The following PLA2G4D variants were observed in gnomAD, a reference collection of about 807,000 sequenced individuals.
PLA2G4D encodes the protein phospholipase A2 group IVD.
A neutral mutation model predicts 94.4 loss-of-function variants in PLA2G4D; 80 were observed. That is an observed-to-expected ratio of 0.85 (90% confidence interval 0.71 to 1.02). The LOEUF (loss-of-function observed/expected upper bound fraction) is 1.02. Ranked by LOEUF, PLA2G4D falls within the 50% of genes least tolerant of loss-of-function variation. PLA2G4D has a pLI of 0.00. For missense variants in PLA2G4D, 1,050 were observed against 1,034.7 expected, an observed-to-expected ratio of 1.01 and a Z score of -0.20; for synonymous variants, 438 against 440.9, an observed-to-expected ratio of 0.99 and a Z score of 0.08.
chr15:42,077,229 T>C (rs1042952519), intron 13 of PLA2G4D, among the ~76,000 whole-genome samples: 6 of 152,184 alleles, frequency 3.9e-5, no homozygotes, highest in African/African-American at 1.4e-4. Context: ...AAAGTCATTA[T>C]CCAAGGCCAG....
intron 1 of PLA2G4D, 45 bp from the exon 2 acceptor site, chr15:42,087,745 C>G (rs1354438640): frequency 1.3e-6 from 2 of 1,592,634 alleles, no homozygotes; most frequent in Middle Eastern, 1.7e-4. Context: ...CATTCCCTCC[C>G]TTATGCCTGG....
chr15:42,072,747 A>G (rs751604722), intron 13 of PLA2G4D, among the ~76,000 whole-genome samples: 18 of 152,294 alleles, frequency 1.2e-4, no homozygotes, highest in Non-Finnish European at 2.4e-4. Flanking sequence ...ACATCCACGT[A>G]TTGCTTTGTA....
chr15:42,079,455 C>T (rs2141097327), intron 13 of PLA2G4D, 82 bp downstream of exon 13: 3 of 1,352,608 alleles, frequency 2.2e-6, no homozygotes, highest in South Asian at 1.3e-5. Context: ...GAAATACGCA[C>T]GCGCATGTCA....
chr15:42,071,814 C>T lies in PLA2G4D; in HGVS notation c.1533G>A (p.Leu511=). ...LFGSEFFMGR[L]MRRIPEPRIC... is the part of the protein sequence containing the mutation. Reference sequence around the variant, plus strand: ...TCCGGGGCTCCGGGATCCTCCTCATCAGCCGTCCCATGAAGAACTCGGAGC... The same window carrying T: ...TCCGGGGCTCCGGGATCCTCCTCATTAGCCGTCCCATGAAGAACTCGGAGC... Residue 511 remains leucine, a synonymous_variant, in exon 15 of 20, where the codon CTG becomes CTA. Coordinates refer to ENST00000290472, the MANE Select transcript of PLA2G4D (RefSeq NM_178034.4). 6.2e-7 allele frequency: 1 copy of T among 1,614,208 alleles called. No homozygotes were observed. The highest frequency in any genetic ancestry group is 1.3e-5 in the African/African-American group (1 of 75,056).
At chr15:42,077,305 C>T (rs1889949783) in intron 13 of PLA2G4D, among the ~76,000 whole-genome samples, 1 of 152,196 alleles carries the variant, frequency 6.6e-6, no homozygotes, top group African/African-American at 2.4e-5. Context: ...GCCAAGATCC[C>T]TGATGAACAT....
intron 5 of PLA2G4D, 137 bp downstream of exon 5, chr15:42,085,354 C>G (rs1169764117): frequency 8.0e-6 from 9 of 1,120,150 alleles, no homozygotes; most frequent in Non-Finnish European, 1.2e-5. Context: ...GAAGCCCCGC[C>G]CCACTCCCGA....
chr15:42,070,855 C>G lies in PLA2G4D; in HGVS notation c.1905G>C (p.Gln635His), dbSNP rs769042898. The change falls in exon 18 of 20, where the codon CAG (glutamine) becomes CAC (histidine). Residue 635 changes from glutamine to histidine, a missense_variant. Coordinates refer to ENST00000290472, the MANE Select transcript of PLA2G4D (RefSeq NM_178034.4). ...ADYQLDSMPS[Q>H]LTPKEPRLCL... The stretch of plus-strand genomic sequence containing the variant: ...AGAGCCGGGGCTCCTTGGGGGTCAG[C>G]TGGCTGGGCATGGAGTCAAGCTGGT... 1.9e-6 allele frequency: 3 copies of G among 1,611,990 alleles called. No individual in the cohort carries two copies. Among genetic ancestry groups the G allele is most frequent in the Non-Finnish European group, 2.5e-6 (3 of 1,179,176 alleles).
intron 1 of PLA2G4D, 113 bp downstream of exon 1, chr15:42,094,302 G>T: frequency 8.1e-7 from 1 of 1,238,834 alleles, no homozygotes; most frequent in Non-Finnish European, 1.1e-6. Flanking sequence ...AGACTCCCTC[G>T]CCCTCTGGCC....
chr15:42,085,016 G>C, intron 6 of PLA2G4D, 80 bp downstream of exon 6: 3 of 1,515,028 alleles, frequency 2.0e-6, no homozygotes, highest in Admixed American at 1.7e-5. Context: ...GTCCCTGCTG[G>C]TCCACACCCC....
intron 1 of PLA2G4D, among the ~76,000 whole-genome samples, chr15:42,088,202 C>T (rs1438640652): frequency 6.6e-6 from 1 of 152,206 alleles, no homozygotes; most frequent in African/African-American, 2.4e-5. Context: ...ACAGGCGCTA[C>T]CCTGGATCTC....
In PLA2G4D at chr15:42,068,916, G is replaced by A. The variant is rs1044449199; in HGVS notation, c.2256C>T (p.Leu752=). 6.2e-7 allele frequency: 1 copy of A among 1,612,136 alleles called. No individual in the cohort carries two copies. The highest frequency in any genetic ancestry group is 1.3e-5 in the African/African-American group (1 of 74,894). Residue 752 remains leucine (L), a synonymous_variant, in exon 20 of 20, where the codon CTC becomes CTT. Transcript: ENST00000290472. The part of the protein sequence containing the change: ...APGVQRSPAE[L]QGGQVDLTGA... ...CGGTGAGATCCACTTGGCCACCCTGGAGCTCTGCGGGGCTGCGCTGGACAC... is the reference window on the plus strand; with the variant it reads ...CGGTGAGATCCACTTGGCCACCCTGAAGCTCTGCGGGGCTGCGCTGGACAC...
rs605253 is a variant in PLA2G4D, at chr15:42,085,546, C to A, written c.388-15G>T. The A allele has an allele frequency of 6.8e-6, 11 of 1,613,532 alleles. No homozygotes were observed. The highest frequency in any genetic ancestry group is 8.5e-6 in the Non-Finnish European group (10 of 1,179,692). On this transcript the variant is annotated splice_polypyrimidine_tract_variant and intron_variant, in intron 4 of 19. Transcript: ENST00000290472. The stretch of plus-strand genomic sequence containing the variant: ...TCCTCCTCTCCCTGAAATCAGAGAG[C>A]ATGAGCAAGTCATCAGCACATACCT...
In PLA2G4D at chr15:42,072,217, C is replaced by T. The variant is rs187148166; in HGVS notation, c.1435+58G>A. The T allele has an allele frequency of 7.8e-4, 1,118 of 1,430,240 alleles. 21 individuals are homozygous for T. The East Asian group carries it at 0.022, about 28-fold the overall frequency. 88.6% of individuals were successfully genotyped at this position (1,430,240 alleles called of 1,614,324 possible). On this transcript the variant is annotated intron_variant, in intron 14 of 19. Transcript: ENST00000290472. ...CCAGCATGAATTCTCTGGGGGCTGT[C>T]GGGGTGCAGAGGGTTTGGGGGGTGG... is the stretch of plus-strand genomic sequence containing the variant.
rs1397382208 is a variant in PLA2G4D at position 42,070,717 on chromosome 15, C to G, written c.2043G>C (p.Glu681Asp). The G allele has an allele frequency of 5.8e-6, 9 of 1,553,740 alleles. No individual in the cohort carries two copies. Among genetic ancestry groups the G allele is most frequent in the Non-Finnish European group, 7.8e-6 (9 of 1,147,878 alleles). ...GGTTCCCCTGGGGTGACCAGGGTAC[C>G]TCGAAGGGCGCAGATAGGGAGTAGT... ...SFDYSLSAPFEALQQTELYCR... is the reference protein window; with the variant it reads ...SFDYSLSAPFDALQQTELYCR... The change falls in exon 18 of 20, where the codon GAG becomes GAC. Residue 681 changes from glutamate to aspartate, a missense_variant and splice_region_variant. Coordinates refer to ENST00000290472, the MANE Select transcript of PLA2G4D (RefSeq NM_178034.4).
intron 3 of PLA2G4D, among the ~76,000 whole-genome samples, chr15:42,086,808 C>T (rs1341208492): frequency 6.6e-5 from 10 of 152,268 alleles, no homozygotes; most frequent in South Asian, 6.2e-4. Flanking sequence ...GCCCAGTTCG[C>T]GCCATTCAAC....
chr15:42,083,802 C>CAGGG, intron 6 of PLA2G4D, 23 bp from the exon 7 acceptor site: 2 of 1,612,778 alleles, frequency 1.2e-6, no homozygotes, highest in Admixed American at 3.3e-5. Flanking sequence ...ACATCATGGG[C>CAGGG]AGGGGCCTCT....
At chr15:42,089,709 G>A (rs574428738) in intron 1 of PLA2G4D, among the ~76,000 whole-genome samples, 49 of 152,214 alleles carry the variant, frequency 3.2e-4, no homozygotes, top group Admixed American at 9.8e-4. Flanking sequence ...TGAATGTCCC[G>A]CTCCAAGACA....
rs1595588080 is a variant in PLA2G4D, at chr15:42,068,341, G to C, written c.*374C>G. On this transcript the variant is annotated 3_prime_UTR_variant, in exon 20 of 20. Transcript: ENST00000290472. ...GTGTTCAGGATGTCTTGTGATTCCCGAGGCCTGAAGCCACCTGTCAGGTCA... is the reference window on the plus strand; with the variant it reads ...GTGTTCAGGATGTCTTGTGATTCCCCAGGCCTGAAGCCACCTGTCAGGTCA... The C allele has an allele frequency of 4.5e-6, 1 of 222,926 alleles. No homozygotes were observed. The highest frequency in any genetic ancestry group is 9.0e-6 in the Non-Finnish European group (1 of 111,522). 13.8% of individuals were successfully genotyped at this position (222,926 alleles called of 1,614,324 possible). A position where few individuals can be genotyped will look rare whatever the true frequency, so the allele number is the denominator to read the frequency against.
Position 42,068,857 on chromosome 15 carries a change from G to A in PLA2G4D, c.2315C>T (p.Thr772Ile), listed in dbSNP as rs746403466. The A allele has an allele frequency of 6.2e-7, 1 of 1,613,912 alleles. No individual in the cohort carries two copies. Among genetic ancestry groups the A allele is most frequent in the South Asian group, 1.1e-5 (1 of 91,072 alleles). Reference sequence around the variant, plus strand: ...GCGCTCGAAGTCTTCCTCCTTGTAGGTCATGTTGGACAGGGTGTAGGGGCA... The same window carrying A: ...GCGCTCGAAGTCTTCCTCCTTGTAGATCATGTTGGACAGGGTGTAGGGGCA... ...ATCPYTLSNM[T>I]YKEEDFERLL... The change falls in exon 20 of 20, where the codon ACC becomes ATC. Residue 772 changes from threonine to isoleucine, a missense_variant. Coordinates refer to ENST00000290472, the MANE Select transcript of PLA2G4D (RefSeq NM_178034.4).
Sources: allele counts gnomAD v4.1 joint callset (sites outside exome capture counted in the v4.1 genomes callset), GRCh38; gene constraint gnomAD v4.1.1; transcripts MANE v1.5; gene names NCBI Gene and HGNC (gene_info 2026-07-23, HGNC 2026-07-21).